The following AIDA variants were observed in gnomAD, a reference collection of about 807,000 sequenced individuals.
The protein encoded by AIDA is axin interactor, dorsalization associated.
A neutral mutation model predicts 42.7 loss-of-function variants in AIDA; 18 were observed. The observed-to-expected ratio is 0.42, with a 90% CI of 0.29 to 0.63. The LOEUF (loss-of-function observed/expected upper bound fraction) is 0.63. AIDA is among the 20% of genes least tolerant of loss of function. The probability of loss-of-function intolerance (pLI) is 0.19; values close to 1 mark genes in which losing one functional copy is unlikely to be tolerated. For missense variants in AIDA, 250 were observed against 354.1 expected (o/e 0.71, Z 2.36); for synonymous variants, 104 against 122.9 (o/e 0.85, Z 1.02).
At chr1:222,699,556 C>T (rs1415231681) in intron 2 of AIDA, among the ~76,000 whole-genome samples, 2 of 152,094 alleles carry the variant, frequency 1.3e-5, no homozygotes, top group Non-Finnish European at 2.9e-5. Context: ...CTAAAGGTCC[C>T]GAGAAGTCAC....
At chr1:222,691,970 T>G (rs1655385655) in intron 4 of AIDA, among the ~76,000 whole-genome samples, 1 of 152,204 alleles carries the variant, frequency 6.6e-6, no homozygotes, top group African/African-American at 2.4e-5. Flanking sequence ...TAACCTTTCA[T>G]TATTTTGTTT....
In AIDA at chr1:222,669,942, G is replaced by C; in HGVS notation, c.872C>G (p.Thr291Ser). 6.2e-7 allele frequency: 1 copy of C among 1,613,348 alleles called. No homozygotes were observed. Among genetic ancestry groups the C allele is most frequent in the Non-Finnish European group, 8.5e-7 (1 of 1,179,888 alleles). The change falls in exon 10 of 10, where the codon ACC (threonine) becomes AGC (serine). Residue 291 changes from threonine (T) to serine (S), a missense_variant. Thr to Ser is a moderately conservative substitution (Grantham distance 58). Transcript: ENST00000340020. ...DFKRKKLQLL[T>S]KKPLYLHLHQ... ...TAGATGAAGATAAAGTGGTTTCTTG[G>C]TCAATAATTGCAATTTCTTTCTTTT... is the stretch of plus-strand genomic sequence containing the variant.
intron 6 of AIDA, among the ~76,000 whole-genome samples, chr1:222,677,464 G>A (rs981731922): frequency 2.0e-5 from 3 of 152,098 alleles, no homozygotes; most frequent in Non-Finnish European, 4.4e-5. Context: ...GAGGAAAATA[G>A]TTAACAGGAG....
chr1:222,694,311 T>G (rs777744809), intron 2 of AIDA, 48 bp from the exon 3 acceptor site: 2 of 1,419,330 alleles, frequency 1.4e-6, no homozygotes, highest in East Asian at 4.6e-5. Context: ...ATCATAACTG[T>G]TAGTTCAAAT....
At chr1:222,689,080 A>C (rs966947931) in intron 4 of AIDA, among the ~76,000 whole-genome samples, 1 of 152,032 alleles carries the variant, frequency 6.6e-6, no homozygotes, top group Non-Finnish European at 1.5e-5. Context: ...TTGTTAAAAA[A>C]AAGTTTAAAG....
chr1:222,706,916 G>GA, intron 1 of AIDA, among the ~76,000 whole-genome samples: 1 of 151,030 alleles, frequency 6.6e-6, no homozygotes, highest in Admixed American at 6.6e-5. Context: ...GAAATGTCTG[G>GA]AAAAGACAGA....
rs535012896 is a variant in AIDA, at chr1:222,711,998, G to A, written c.110+210C>T. 45 of 644,588 alleles carry A rather than the reference G, an allele frequency of 7.0e-5. No individual in the cohort carries two copies. In the African/African-American group the frequency reaches 7.2e-4, roughly 10 times the overall value. The allele number at this position is 644,588 out of a possible 1,614,324, so 39.9% of individuals were successfully genotyped here. On this transcript the variant is annotated intron_variant, in intron 1 of 9. Transcript: ENST00000340020. ...GAACTGTCCCTGCGGAGGCGGAGAGGGAAGAAGGCGAGTCACCCCAGAGAG... is the reference window on the plus strand; with the variant it reads ...GAACTGTCCCTGCGGAGGCGGAGAGAGAAGAAGGCGAGTCACCCCAGAGAG...
intron 4 of AIDA, among the ~76,000 whole-genome samples, chr1:222,688,244 A>C (rs1655250644): frequency 6.6e-6 from 1 of 152,068 alleles, no homozygotes; most frequent in African/African-American, 2.4e-5. Context: ...GAGATACATG[A>C]GTACATTTTA....
chr1:222,691,451 G>C (rs1161313749), intron 4 of AIDA, among the ~76,000 whole-genome samples: 2 of 152,068 alleles, frequency 1.3e-5, no homozygotes, highest in African/African-American at 2.4e-5. Flanking sequence ...TCTGTTGTCA[G>C]AATTAAAATC....
In AIDA at chr1:222,676,128, C is replaced by G. The variant is rs2124949583; in HGVS notation, c.551G>C (p.Cys184Ser). Residue 184 changes from cysteine to serine, a missense_variant, in exon 7 of 10, where the codon TGC becomes TCC. Physicochemically the swap from Cys to Ser is moderately radical, Grantham distance 112. This residue lies in a region of AIDA where 199 missense variants were observed against 232.6 expected (regional missense o/e 0.86). Transcript: ENST00000340020. The part of the protein sequence containing the change: ...EKIGLKDAGQ[C>S]IDPYITVSVK... ...ACTAACTGTAATATAGGGATCGATG[C>G]ACTGCCCAGCATCTTTCAAACCAAT... 1 of 1,611,304 alleles carries G rather than the reference C, an allele frequency of 6.2e-7. No individual in the cohort carries two copies. Among genetic ancestry groups the G allele is most frequent in the Non-Finnish European group, 8.5e-7 (1 of 1,178,972 alleles).
chr1:222,710,377 C>T (rs1159306520), intron 1 of AIDA, among the ~76,000 whole-genome samples: 3 of 152,202 alleles, frequency 2.0e-5, no homozygotes, highest in Admixed American at 6.5e-5. Context: ...ATCACCCTCA[C>T]CTTCATGTTC....
At chr1:222,689,508 T>TAC (rs1655299303) in intron 4 of AIDA, among the ~76,000 whole-genome samples, 1 of 67,036 alleles carries the variant, frequency 1.5e-5, no homozygotes, top group Admixed American at 1.9e-4. Context: ...TATATATATA[T>TAC]ATATATATAT....
In AIDA at chr1:222,689,481, GTATATATATATATATA is replaced by G. The variant is rs1183093082; in HGVS notation, c.290-1839_290-1824del. Among the ~76,000 whole-genome samples the G allele has an allele frequency of 1.9e-3, 67 of 35,366 alleles. 1 individual carries two copies. The highest frequency in any genetic ancestry group is 8.4e-3 in the South Asian group (5 of 594). The allele number at this position is 35,366 out of a possible 152,430, so 23.2% of individuals were successfully genotyped here. ...AAAGAAAATATGTATGTGTGTGTGT[GTATATATATATATATA>G]TATATATATATATATATATATATAC... On this transcript the variant is annotated intron_variant, in intron 4 of 9. Coordinates refer to ENST00000340020, the MANE Select transcript of AIDA (RefSeq NM_022831.4).
intron 2 of AIDA, among the ~76,000 whole-genome samples, chr1:222,695,542 A>C (rs1163001610): frequency 2.0e-5 from 3 of 152,190 alleles, no homozygotes; most frequent in African/African-American, 7.2e-5. Flanking sequence ...TGAAGTAGGA[A>C]AGGGCAAAGA....
At chr1:222,692,774 A>G (rs1571934803) in intron 4 of AIDA, among the ~76,000 whole-genome samples, 1 of 152,318 alleles carries the variant, frequency 6.6e-6, no homozygotes, top group Non-Finnish European at 1.5e-5. Context: ...ACTTTGAAGG[A>G]TGAATTTATG....
At chr1:222,694,844 A>G (rs1450701042) in intron 2 of AIDA, among the ~76,000 whole-genome samples, 3 of 152,356 alleles carry the variant, frequency 2.0e-5, no homozygotes, top group East Asian at 3.9e-4. Flanking sequence ...ATTAGGAGAG[A>G]TAAGACACAT....
At chr1:222,701,975 C>T (rs902840641) in intron 2 of AIDA, among the ~76,000 whole-genome samples, 3 of 151,570 alleles carry the variant, frequency 2.0e-5, no homozygotes, top group Admixed American at 1.3e-4. Context: ...CTGCCCACCT[C>T]GGCCTCCCGA....
At chr1:222,708,948 T>C (rs1177837605) in intron 1 of AIDA, among the ~76,000 whole-genome samples, 1 of 152,156 alleles carries the variant, frequency 6.6e-6, no homozygotes, top group East Asian at 1.9e-4. Context: ...TTCAATAGAA[T>C]AATTACATAA....
At chr1:222,694,063 T>C (rs1336808382) in intron 3 of AIDA, 147 bp downstream of exon 3, 1 of 871,646 alleles carries the variant, frequency 1.1e-6, no homozygotes, top group Non-Finnish European at 1.7e-6. Flanking sequence ...ATTTACGAAA[T>C]ATGAACTAAA....
Sources: allele counts gnomAD v4.1 joint callset (sites outside exome capture counted in the v4.1 genomes callset), GRCh38; gene constraint gnomAD v4.1.1; regional missense constraint gnomAD v4.1.1; transcripts MANE v1.5; gene names NCBI Gene and HGNC (gene_info 2026-07-23, HGNC 2026-07-21).